Variants in SHTN1 observed in about 807,000 individuals in gnomAD.
SHTN1 encodes shootin 1.
In SHTN1, 42 loss-of-function variants were observed where a neutral mutation model predicts 83.1. That is an observed-to-expected ratio of 0.51 (90% CI 0.39 to 0.65). The LOEUF is 0.65. Ranked by LOEUF, SHTN1 falls within the 30% of genes least tolerant of loss-of-function variation. The pLI, the probability that SHTN1 is intolerant of heterozygous loss-of-function variation, is 0.00. For missense variants in SHTN1, 622 were observed against 737.8 expected, an observed-to-expected ratio of 0.84 and a Z score of 1.82; for synonymous variants, 224 against 247.7, an observed-to-expected ratio of 0.90 and a Z score of 0.90.
At chr10:116,914,489 GA>G (rs1450014542) in intron 13 of SHTN1, among the ~76,000 whole-genome samples, 2 of 151,274 alleles carry the variant, frequency 1.3e-5, no homozygotes, top group Non-Finnish European at 3.0e-5. Context: ...AAAAAGAACA[GA>G]AAAAGAAAAT....
intron 1 of SHTN1, among the ~76,000 whole-genome samples, chr10:117,002,158 C>A (rs953620667): frequency 6.6e-6 from 1 of 152,154 alleles, no homozygotes; most frequent in African/African-American, 2.4e-5. Context: ...CAATGTCTAG[C>A]AAAAGTAAAT....
At chr10:117,081,630 C>G (rs1853264116) in intron 1 of SHTN1, among the ~76,000 whole-genome samples, 2 of 143,530 alleles carry the variant, frequency 1.4e-5, no homozygotes, top group South Asian at 4.7e-4. Context: ...CTCCTTGTAC[C>G]TCTGGTAGAA....
intron 16 of SHTN1, among the ~76,000 whole-genome samples, chr10:116,893,554 C>A (rs1315025050): frequency 4.4e-4 from 7 of 15,874 alleles, no homozygotes; most frequent in Non-Finnish European, 7.7e-4. Flanking sequence ...CTTCCCTCCC[C>A]CTCCCTGATA....
intron 5 of SHTN1, 30 bp downstream of exon 5, chr10:116,954,012 T>C: frequency 6.3e-7 from 1 of 1,575,738 alleles, no homozygotes; most frequent in Non-Finnish European, 8.6e-7. Context: ...GGGTAAAAAA[T>C]ATGCTCAATA....
At chr10:117,005,808 C>T (rs574035147), upstream of SHTN1, among the ~76,000 whole-genome samples, 88 of 152,370 alleles carry the variant, frequency 5.8e-4, no homozygotes, top group African/African-American at 1.7e-3. Context: ...GTGGTCAGAA[C>T]GTGGACCCTG....
intron 1 of SHTN1, among the ~76,000 whole-genome samples, chr10:117,076,424 C>T (rs1307895214): frequency 6.6e-6 from 1 of 152,126 alleles, no homozygotes; most frequent in African/African-American, 2.4e-5. Context: ...TTGCAAAGAC[C>T]TCCAGATCTC....
chr10:116,974,204 T>C, intron 2 of SHTN1: 1 of 895,520 alleles, frequency 1.1e-6, no homozygotes, highest in Non-Finnish European at 1.3e-6. Context: ...ACAGAGATCC[T>C]TGCTCTTTGT....
chr10:116,899,737 C>T (rs1001629825), intron 16 of SHTN1, among the ~76,000 whole-genome samples: 3 of 152,124 alleles, frequency 2.0e-5, no homozygotes, highest in African/African-American at 7.2e-5. Flanking sequence ...TTTTTAAAAG[C>T]AAAGGAAATA....
intron 12 of SHTN1, among the ~76,000 whole-genome samples, chr10:116,917,593 T>C (rs577951505): frequency 2.0e-4 from 31 of 152,328 alleles, no homozygotes; most frequent in Non-Finnish European, 2.9e-4. Flanking sequence ...GAACACCGCC[T>C]ACAAACAGAT....
chr10:116,953,276 A>G (rs1442384524), intron 5 of SHTN1, among the ~76,000 whole-genome samples: 1 of 152,172 alleles, frequency 6.6e-6, no homozygotes, highest in African/African-American at 2.4e-5. Context: ...GCCTTACAAC[A>G]CTACTTGTTA....
chr10:116,968,379 C>T (rs1212814044), intron 3 of SHTN1, among the ~76,000 whole-genome samples: 1 of 152,218 alleles, frequency 6.6e-6, no homozygotes, highest in South Asian at 2.1e-4. Flanking sequence ...AAGGAGCCAA[C>T]AAGGCATTTT....
Position 117,083,874 on chromosome 10 carries a change from G to A in SHTN1, c.-188-35364C>T, listed in dbSNP as rs367970961. Among the ~76,000 whole-genome samples the A allele has an allele frequency of 2.0e-5, 3 of 151,490 alleles. No individual in the cohort carries two copies. The East Asian group carries it at 5.8e-4, about 29-fold the overall frequency. ...CTTCTGCATTCTTCACGTAGTTCTC[G>A]AGCCTTGGTTTTCAGCTCCATCAGC... On this transcript the variant is annotated intron_variant, in intron 1 of 17. Coordinates refer to the SHTN1 transcript ENST00000392901.
At chr10:117,125,515 C>G (rs1853990448) in intron 1 of SHTN1, among the ~76,000 whole-genome samples, 1 of 152,120 alleles carries the variant, frequency 6.6e-6, no homozygotes, top group Non-Finnish European at 1.5e-5. Flanking sequence ...TTCCTCCCAT[C>G]GTTACCCTGC....
chr10:117,048,209 G>C (rs2133586099), intron 2 of SHTN1, among the ~76,000 whole-genome samples: 1 of 152,256 alleles, frequency 6.6e-6, no homozygotes, highest in South Asian at 2.1e-4. Context: ...AAGTGGCTCT[G>C]TGTGCTGAGG....
At chr10:116,980,535 G>C (rs1243274996) in intron 1 of SHTN1, among the ~76,000 whole-genome samples, 2 of 149,712 alleles carry the variant, frequency 1.3e-5, no homozygotes, top group Non-Finnish European at 3.0e-5. Context: ...TTTGCTTTAT[G>C]GATTTATCTA....
intron 1 of SHTN1, among the ~76,000 whole-genome samples, chr10:117,064,797 A>C (rs1852951765): frequency 6.6e-6 from 1 of 152,070 alleles, no homozygotes; most frequent in African/African-American, 2.4e-5. Context: ...TCTAAATTGA[A>C]CCTTACTGTC....
At chr10:117,025,727 C>T (rs144768262) in intron 2 of SHTN1, among the ~76,000 whole-genome samples, 5 of 152,228 alleles carry the variant, frequency 3.3e-5, no homozygotes, top group African/African-American at 7.2e-5. Flanking sequence ...ACCAGCTCAG[C>T]CACAGTAGGT....
chr10:116,952,612 G>A (rs866874203), intron 5 of SHTN1, among the ~76,000 whole-genome samples: 1 of 152,140 alleles, frequency 6.6e-6, no homozygotes, highest in South Asian at 2.1e-4. Context: ...TCAATGAAAA[G>A]TGTGTCACTA....
At chr10:117,116,106 T>C (rs988241334) in intron 1 of SHTN1, among the ~76,000 whole-genome samples, 1 of 150,592 alleles carries the variant, frequency 6.6e-6, no homozygotes, top group African/African-American at 2.4e-5. Context: ...TAAAATAATA[T>C]GGAAGATCAA....
Sources: allele counts gnomAD v4.1 joint callset (sites outside exome capture counted in the v4.1 genomes callset), GRCh38; gene constraint gnomAD v4.1.1; transcripts MANE v1.5; gene names NCBI Gene and HGNC (gene_info 2026-07-23, HGNC 2026-07-21).